Variants in SYN3 observed in about 807,000 individuals in gnomAD.
SYN3 encodes the protein synapsin III.
In SYN3, 35 loss-of-function variants were observed where a neutral mutation model predicts 65.8. The ratio of observed to expected loss-of-function variants is 0.53; its 90% CI spans 0.41 to 0.70. The LOEUF (loss-of-function observed/expected upper bound fraction) is 0.70. SYN3 is among the 30% of genes least tolerant of loss of function. The pLI is 0.00. For synonymous variants in SYN3, 270 were observed against 292.9 expected, an observed-to-expected ratio of 0.92 and a Z score of 0.80; for missense variants, 680 against 749.0, an observed-to-expected ratio of 0.91 and a Z score of 1.08.
chr22:32,968,806 C>T (rs1212770979), intron 3 of SYN3, among the ~76,000 whole-genome samples: 1 of 152,174 alleles, frequency 6.6e-6, no homozygotes, highest in Non-Finnish European at 1.5e-5. Context: ...CGTCGCAACA[C>T]ATTTTGGCCA....
intron 6 of SYN3, among the ~76,000 whole-genome samples, chr22:32,821,170 CCCGTCTCTG>C (rs2047237146): frequency 6.6e-6 from 1 of 152,158 alleles, no homozygotes; most frequent in Admixed American, 6.5e-5. Context: ...GAGATGGAAT[CCCGTCTCTG>C]CCTTTTACCA....
rs565219505 is a variant in SYN3, at chr22:32,619,131, C to A, written c.712-22395G>T. Reference sequence around the variant, plus strand: ...TTGTTAGAAATGCAGACTCTCAGGCCCCACCCCAGACCGGCTGCTCAGATT... The same window carrying A: ...TTGTTAGAAATGCAGACTCTCAGGCACCACCCCAGACCGGCTGCTCAGATT... On this transcript the variant is annotated intron_variant, in intron 6 of 13. Transcript: ENST00000358763. Among the ~76,000 whole-genome samples, 8 of 152,262 alleles carry A rather than the reference C, an allele frequency of 5.3e-5. No homozygotes were observed. The South Asian group carries it at 1.7e-3, about 32-fold the overall frequency.
rs1286086050 is a variant in SYN3, at chr22:32,511,478, T to C, written c.*2214A>G. On this transcript the variant is annotated 3_prime_UTR_variant, in exon 14 of 14. Coordinates refer to ENST00000358763, the MANE Select transcript of SYN3 (RefSeq NM_003490.4). ...CAGCTCCTGGCCAGACTAGTTCTGT[T>C]GCATTGCACAGGCTGAGCAAAAAGA... 1.3e-5 allele frequency among the ~76,000 whole-genome samples: 2 copies of C among 152,190 alleles called. No individual in the cohort carries two copies. The highest frequency in any genetic ancestry group is 2.9e-5 in the Non-Finnish European group (2 of 68,026).
intron 6 of SYN3, chr22:32,860,937 A>G (rs2048519401): frequency 6.6e-6 from 1 of 150,472 alleles, no homozygotes; most frequent in South Asian, 2.1e-4. Context: ...TTTTGAAATA[A>G]AACTATAATA....
At chr22:32,881,840 G>A (rs2049147220) in intron 4 of SYN3, among the ~76,000 whole-genome samples, 1 of 152,158 alleles carries the variant, frequency 6.6e-6, no homozygotes, top group Non-Finnish European at 1.5e-5. Flanking sequence ...CAGATCACCT[G>A]AGGTCAGGAG....
At chr22:32,857,877 T>C in intron 6 of SYN3, 1 of 1,270,370 alleles carries the variant, frequency 7.9e-7, no homozygotes, top group Admixed American at 1.7e-5. Context: ...AGGTGTTGGG[T>C]AGGGTGAAAT....
At chr22:32,842,375 A>G (rs2047935164) in intron 6 of SYN3, among the ~76,000 whole-genome samples, 2 of 152,108 alleles carry the variant, frequency 1.3e-5, no homozygotes, top group African/African-American at 4.8e-5. Flanking sequence ...TTAGTTCCGA[A>G]GGCCCTTTCC....
intron 6 of SYN3, among the ~76,000 whole-genome samples, chr22:32,612,255 GAACTCC>G (rs1297135214): frequency 1.2e-4 from 18 of 152,174 alleles, no homozygotes; most frequent in African/African-American, 3.4e-4. Flanking sequence ...GGACTTATGC[GAACTCC>G]AACTCCAACT....
At chr22:32,684,982 T>C (rs2060571437) in intron 6 of SYN3, among the ~76,000 whole-genome samples, 1 of 152,222 alleles carries the variant, frequency 6.6e-6, no homozygotes, top group East Asian at 1.9e-4. Flanking sequence ...GGGCCAAATA[T>C]GGTCCACTGC....
intron 6 of SYN3, among the ~76,000 whole-genome samples, chr22:32,823,213 G>A (rs565609788): frequency 2.0e-3 from 305 of 152,264 alleles, no homozygotes; most frequent in African/African-American, 6.8e-3. Flanking sequence ...TTTCCTAGGC[G>A]CCACCTTCTG....
intron 7 of SYN3, among the ~76,000 whole-genome samples, chr22:32,565,743 GCT>G (rs201990004): frequency 0.066 from 9,910 of 149,692 alleles, 568 homozygotes; most frequent in East Asian, 0.21. Context: ...TTTTTTACTC[GCT>G]CTGTCCCCCA....
At chr22:32,545,892 T>G (rs1054460845) in intron 7 of SYN3, among the ~76,000 whole-genome samples, 11 of 152,178 alleles carry the variant, frequency 7.2e-5, no homozygotes, top group African/African-American at 2.7e-4. Context: ...GGAGAGGCCC[T>G]GGCCAAATGT....
intron 3 of SYN3, among the ~76,000 whole-genome samples, chr22:32,940,800 A>G (rs1170065788): frequency 1.3e-5 from 2 of 152,236 alleles, no homozygotes; most frequent in African/African-American, 4.8e-5. Flanking sequence ...TAATATTCTA[A>G]GACAGAAGTG....
At position 32,878,054 on chromosome 22, in the gene SYN3, A is replaced by C. The variant is rs115583492; in HGVS notation, c.462-8929T>G. 4.7e-3 allele frequency among the ~76,000 whole-genome samples: 710 copies of C among 152,334 alleles called. 6 individuals are homozygous for C. The highest frequency in any genetic ancestry group is 0.016 in the African/African-American group (683 of 41,566). ...ACAAAGGCATAGAGAGATGAAGCAC[A>C]GCCAAGAAGGTGTCCACCTGGGACT... On this transcript the variant is annotated intron_variant, in intron 4 of 13. Transcript: ENST00000358763.
intron 1 of SYN3, among the ~76,000 whole-genome samples, chr22:33,026,624 G>T (rs1217321490): frequency 1.3e-5 from 2 of 152,090 alleles, no homozygotes; most frequent in African/African-American, 4.8e-5. Context: ...CCAGTAATCC[G>T]GTGAGTCCCA....
chr22:32,587,950 C>T (rs112670336), intron 7 of SYN3, among the ~76,000 whole-genome samples: 12 of 152,172 alleles, frequency 7.9e-5, no homozygotes, highest in Non-Finnish European at 1.2e-4. Flanking sequence ...GGGTTGTGCC[C>T]CACTCCACCA....
At chr22:32,542,064 C>T (rs1569021303) in intron 7 of SYN3, among the ~76,000 whole-genome samples, 1 of 152,092 alleles carries the variant, frequency 6.6e-6, no homozygotes, top group African/African-American at 2.4e-5. Context: ...CACAGACTCG[C>T]TGATGGGGGA....
intron 3 of SYN3, among the ~76,000 whole-genome samples, chr22:32,976,911 CA>C (rs1245153051): frequency 1.3e-5 from 2 of 151,934 alleles, no homozygotes; most frequent in East Asian, 3.9e-4. Context: ...GACAGGATCC[CA>C]AAATGTGAGG....
intron 6 of SYN3, among the ~76,000 whole-genome samples, chr22:32,622,821 A>T (rs1212155896): frequency 1.3e-5 from 2 of 151,732 alleles, no homozygotes; most frequent in Non-Finnish European, 2.9e-5. Flanking sequence ...GGGGGCTGAG[A>T]CACTCTTCCT....
Sources: gnomAD v4.1 joint callset for allele counts (sites outside exome capture counted in the v4.1 genomes callset) on GRCh38, gnomAD v4.1.1 for gene constraint, MANE v1.5 for transcripts, NCBI Gene and HGNC (gene_info 2026-07-23, HGNC 2026-07-21) for gene names.